Variants in TDRD3 observed in about 807,000 individuals in gnomAD.
TDRD3 encodes the protein tudor domain containing 3.
Under a neutral mutation model 86.7 loss-of-function variants are expected in TDRD3, and 45 were observed. That is an observed-to-expected ratio of 0.52 (90% CI 0.41 to 0.67). The LOEUF is 0.67. Ranked by LOEUF, TDRD3 falls within the 30% of genes least tolerant of loss-of-function variation. The pLI is 0.00. For synonymous variants in TDRD3, 298 were observed against 301.7 expected (o/e 0.99, Z 0.13); for missense variants, 814 against 889.0 (o/e 0.92, Z 1.07).
chr13:60,531,438 T>C (rs188327817), intron 11 of TDRD3, among the ~76,000 whole-genome samples: 87 of 152,314 alleles, frequency 5.7e-4, no homozygotes, highest in Non-Finnish European at 1.1e-3. Flanking sequence ...CTAGAAATAA[T>C]AGTCACTGTA....
At position 60,555,452 on chromosome 13, in the gene TDRD3, A is replaced by G. The variant is rs565559417; in HGVS notation, c.2119-12073A>G. 1.9e-3 allele frequency among the ~76,000 whole-genome samples: 284 copies of G among 152,294 alleles called. 1 individual carries two copies. Among genetic ancestry groups the G allele is most frequent in the Non-Finnish European group, 2.3e-3 (157 of 68,016 alleles). ...ACAAATATTAATGTTTACTTTACAC[A>G]CTAGGAAAACTACAAATATGGGTTC... is the stretch of plus-strand genomic sequence containing the variant. On this transcript the variant is annotated intron_variant, in intron 12 of 13. Transcript: ENST00000377881.
At chr13:60,434,052 A>G (rs1220084705) in intron 1 of TDRD3, 1 of 152,208 alleles carries the variant, frequency 6.6e-6, no homozygotes, top group Non-Finnish European at 1.5e-5. Flanking sequence ...TCTGTTTTAT[A>G]TGCCAAGTGA....
intron 6 of TDRD3, 133 bp from the exon 7 acceptor site, chr13:60,485,666 T>C: frequency 1.5e-6 from 1 of 676,282 alleles, no homozygotes; most frequent in Non-Finnish European, 2.1e-6. Flanking sequence ...ATATATGGGA[T>C]AGAATTTTAT....
intron 12 of TDRD3, among the ~76,000 whole-genome samples, chr13:60,551,126 C>T (rs1958041918): frequency 6.6e-6 from 1 of 152,072 alleles, no homozygotes; most frequent in Non-Finnish European, 1.5e-5. Flanking sequence ...TTATATAAAC[C>T]TTTAAGAGTT....
rs201739194 is a variant in TDRD3, at chr13:60,411,587, G to GT, written c.41+14190dup. ...TGTAAGAGAAGCCTGGAGAACATAG[G>GT]TTTTTTTTGGTTTTTCTTTTTTTTT... On this transcript the variant is annotated intron_variant, in intron 1 of 13. Coordinates refer to ENST00000377881, the MANE Select transcript of TDRD3 (RefSeq NM_001146070.2). 3.2e-3 allele frequency among the ~76,000 whole-genome samples: 484 copies of GT among 151,896 alleles called. 9 individuals carry two copies. The highest frequency in any genetic ancestry group is 1.4e-3 in the Non-Finnish European group (95 of 67,910).
intron 12 of TDRD3, among the ~76,000 whole-genome samples, chr13:60,549,975 T>C (rs1286345400): frequency 6.6e-6 from 1 of 152,112 alleles, no homozygotes; most frequent in African/African-American, 2.4e-5. Context: ...TAAACTACCA[T>C]ATAATAATCT....
intron 8 of TDRD3, among the ~76,000 whole-genome samples, chr13:60,496,741 A>G (rs767524983): frequency 2.0e-5 from 3 of 152,164 alleles, no homozygotes; most frequent in Admixed American, 1.3e-4. Flanking sequence ...CAGGCATCCT[A>G]TCTCCTGGCT....
intron 1 of TDRD3, among the ~76,000 whole-genome samples, chr13:60,412,899 T>C (rs1013746159): frequency 9.9e-5 from 15 of 152,178 alleles, no homozygotes; most frequent in African/African-American, 3.6e-4. Context: ...ATGTAAAATA[T>C]GATTATAGAT....
At position 60,485,892 on chromosome 13, in the gene TDRD3, G is replaced by C. The variant is rs766169958; in HGVS notation, c.661G>C (p.Asp221His). 1 of 1,611,168 alleles carries C rather than the reference G, an allele frequency of 6.2e-7. No homozygotes were observed. Among genetic ancestry groups the C allele is most frequent in the South Asian group, 1.1e-5 (1 of 90,528 alleles). The change falls in exon 7 of 14, where the codon GAT becomes CAT. Residue 221 changes from aspartate (D) to histidine (H), a missense_variant. Asp to His is a moderately conservative substitution (Grantham distance 81). Transcript: ENST00000377881. ...TMPVKPTNDNDEFEKQRTAAI... is the reference protein window; with the variant it reads ...TMPVKPTNDNHEFEKQRTAAI... ...GCCTGTCAAACCTACAAATGATAAT[G>C]ATGAATTTGAAAAGCAAAGGACGGC...
At chr13:60,516,353 T>A (rs907822064) in intron 10 of TDRD3, among the ~76,000 whole-genome samples, 1 of 152,356 alleles carries the variant, frequency 6.6e-6, no homozygotes, top group African/African-American at 2.4e-5. Flanking sequence ...TTAGAAATAA[T>A]TGATTATCAC....
At chr13:60,510,573 ATATT>A in intron 9 of TDRD3, 53 bp from the exon 10 acceptor site, 1 of 1,438,382 alleles carries the variant, frequency 7.0e-7, no homozygotes, top group Non-Finnish European at 9.2e-7. Flanking sequence ...ATATTAGTAT[ATATT>A]CTCTTTTTGT....
intron 1 of TDRD3, among the ~76,000 whole-genome samples, chr13:60,402,832 G>A (rs979363926): frequency 6.6e-6 from 1 of 151,952 alleles, no homozygotes; most frequent in East Asian, 1.9e-4. Flanking sequence ...AGGATTACAG[G>A]CATGCGCCAC....
At chr13:60,423,066 TAA>T in intron 1 of TDRD3, among the ~76,000 whole-genome samples, 1 of 152,172 alleles carries the variant, frequency 6.6e-6, no homozygotes, top group South Asian at 2.1e-4. Flanking sequence ...ACAAGTCAAA[TAA>T]AAGCAAAAGA....
Position 60,397,319 on chromosome 13 carries a change from TCACCCCCACCCCAGCCCCCCAC to T in TDRD3, c.-38_-17del. On this transcript the variant is annotated 5_prime_UTR_variant, in exon 1 of 14. The change abolishes the stop of an existing upstream ORF in the 5' untranslated region. Transcript: ENST00000377881. ...GGGTCTCAAGTAGGAGGCCTCCCCA[TCACCCCCACCCCAGCCCCCCAC>T]CACCCCCGGCCTAAGCAGCTACCAT... 1 of 591,072 alleles carries T rather than the reference TCACCCCCACCCCAGCCCCCCAC, an allele frequency of 1.7e-6. No individual in the cohort carries two copies. The highest frequency in any genetic ancestry group is 2.8e-6 in the Non-Finnish European group (1 of 357,792). 36.6% of individuals were successfully genotyped at this position (591,072 alleles called of 1,614,324 possible).
intron 1 of TDRD3, among the ~76,000 whole-genome samples, chr13:60,397,874 G>A (rs1953977474): frequency 6.6e-6 from 1 of 152,070 alleles, no homozygotes; most frequent in Non-Finnish European, 1.5e-5. Flanking sequence ...GGAAGTTGAG[G>A]GCAGAGCAGA....
chr13:60,422,378 A>G (rs533357922), intron 1 of TDRD3, among the ~76,000 whole-genome samples: 20 of 152,324 alleles, frequency 1.3e-4, no homozygotes, highest in Middle Eastern at 3.4e-3. Flanking sequence ...AAACAGCCCA[A>G]TGTCACAAAA....
chr13:60,482,347 G>C (rs1406262600), intron 5 of TDRD3, among the ~76,000 whole-genome samples: 1 of 151,982 alleles, frequency 6.6e-6, no homozygotes, highest in Non-Finnish European at 1.5e-5. Flanking sequence ...CTTTCTCTCA[G>C]GGATAATAGT....
At chr13:60,557,062 C>G (rs995058745) in intron 12 of TDRD3, among the ~76,000 whole-genome samples, 1 of 151,846 alleles carries the variant, frequency 6.6e-6, no homozygotes, top group African/African-American at 2.4e-5. Context: ...AAAAATTAGC[C>G]GGGCATGGTG....
chr13:60,540,442 A>G (rs1381149094), intron 12 of TDRD3, among the ~76,000 whole-genome samples: 1 of 152,190 alleles, frequency 6.6e-6, no homozygotes, highest in African/African-American at 2.4e-5. Context: ...TGCGGATTAT[A>G]CAAAAACACT....
Sources: gnomAD v4.1 joint callset for allele counts (sites outside exome capture counted in the v4.1 genomes callset) on GRCh38, gnomAD v4.1.1 for gene constraint, MANE v1.5 for transcripts, NCBI Gene and HGNC (gene_info 2026-07-23, HGNC 2026-07-21) for gene names.